Variants in JAKMIP1 observed in about 807,000 individuals in gnomAD.
The protein encoded by JAKMIP1 is janus kinase and microtubule interacting protein 1.
A neutral mutation model predicts 113.0 loss-of-function variants in JAKMIP1; 33 were observed. The observed-to-expected ratio is 0.29, with a 90% confidence interval of 0.22 to 0.39. The LOEUF (loss-of-function observed/expected upper bound fraction) is 0.39, where lower values mean the gene tolerates loss of function less well. Ranked by LOEUF, JAKMIP1 falls within the 10% of genes least tolerant of loss-of-function variation. The probability of loss-of-function intolerance (pLI) is 1.00; values close to 1 mark genes in which losing one functional copy is unlikely to be tolerated. For synonymous variants in JAKMIP1, 480 were observed against 459.9 expected, an observed-to-expected ratio of 1.04 and a Z score of -0.56; for missense variants, 813 against 1,080.5, an observed-to-expected ratio of 0.75 and a Z score of 3.47.
rs1407678042 is a variant in JAKMIP1, at chr4:6,044,190, C to T, written c.2029-1963G>A. On this transcript the variant is annotated intron_variant, in intron 16 of 20. Transcript: ENST00000409021. The surrounding 1 kb of genome is among the most constrained non-coding windows in gnomAD (Gnocchi z 4.4). ...CCGGGTCGTAGCACTCACCTGACAG[C>T]GCTGTTGTCTGTTTCACCCCTCACC... Among the ~76,000 whole-genome samples, 4 of 150,090 alleles carry T rather than the reference C, an allele frequency of 2.7e-5. No individual in the cohort carries two copies. Among genetic ancestry groups the T allele is most frequent in the African/African-American group, 7.5e-5 (3 of 39,978 alleles).
Position 6,116,814 on chromosome 4 carries a change from T to C in JAKMIP1, c.-147-3817A>G, listed in dbSNP as rs971858161. On this transcript the variant is annotated intron_variant, in intron 1 of 20. Coordinates refer to ENST00000409021, the MANE Select transcript of JAKMIP1 (RefSeq NM_001099433.2). This position sits in a 1 kb window ranked among gnomAD's most constrained non-coding sequence, Gnocchi z 5.1. ...GAATACATAAAACAATGATGGCTTG[T>C]GGTAGGTGCTGGAAAGAACAAGTCT... 2.6e-5 allele frequency among the ~76,000 whole-genome samples: 4 copies of C among 152,256 alleles called. No homozygotes were observed. Among genetic ancestry groups the C allele is most frequent in the Admixed American group, 1.3e-4 (2 of 15,292 alleles).
chr4:6,170,391 CTA>C (rs1724342147), intron 1 of JAKMIP1, among the ~76,000 whole-genome samples: 3 of 6,416 alleles, frequency 4.7e-4, no homozygotes, highest in East Asian at 7.8e-3. Flanking sequence ...ACCACCACCA[CTA>C]CCTCTATCAC....
At position 6,059,395 on chromosome 4, in the gene JAKMIP1, C is replaced by T. The variant is rs968049834; in HGVS notation, c.1644+1029G>A. On this transcript the variant is annotated intron_variant, in intron 11 of 20. Coordinates refer to ENST00000409021, the MANE Select transcript of JAKMIP1 (RefSeq NM_001099433.2). The surrounding 1 kb of genome is among the most constrained non-coding windows in gnomAD (Gnocchi z 4.8). ...TCTTCTGGAGCTGCTTCTGTTAAGC[C>T]GCCTGGAACCTCTTACACCCCTTGC... Among the ~76,000 whole-genome samples, 10 of 152,264 alleles carry T rather than the reference C, an allele frequency of 6.6e-5. 1 individual carries two copies. The highest frequency in any genetic ancestry group is 9.6e-5 in the African/African-American group (4 of 41,562).
At chr4:6,113,046 C>T in intron 1 of JAKMIP1, 49 bp from the exon 2 acceptor site, 2 of 848,912 alleles carry the variant, frequency 2.4e-6, no homozygotes, top group Non-Finnish European at 3.5e-6. Context: ...GGGTGGGGAG[C>T]TGGTGTCCCT....
intron 1 of JAKMIP1, among the ~76,000 whole-genome samples, chr4:6,133,608 G>T (rs1038169692): frequency 6.6e-6 from 1 of 152,182 alleles, no homozygotes; most frequent in African/African-American, 2.4e-5. Flanking sequence ...GGCAGGGGGC[G>T]CATGGAGGGA....
At chr4:6,056,883 C>G (rs1443126848) in intron 11 of JAKMIP1, 124 bp from the exon 12 acceptor site, 9 of 726,884 alleles carry the variant, frequency 1.2e-5, no homozygotes, top group East Asian at 2.5e-5. Context: ...AAAATGACAG[C>G]CGTGATGTGC....
At position 6,128,905 on chromosome 4, in the gene JAKMIP1, C is replaced by T. The variant is rs189353634; in HGVS notation, c.-147-15908G>A. On this transcript the variant is annotated intron_variant, in intron 1 of 20. Transcript: ENST00000409021. Reference sequence around the variant, plus strand: ...AGCAGTAACAGGAACCTGCCTGTGGCGGCCCACTGCCCAGAACCCCCACAC... The same window carrying T: ...AGCAGTAACAGGAACCTGCCTGTGGTGGCCCACTGCCCAGAACCCCCACAC... Among the ~76,000 whole-genome samples the T allele has an allele frequency of 8.3e-4, 126 of 152,342 alleles. 3 individuals carry two copies. The South Asian group carries it at 0.016, about 19-fold the overall frequency.
intron 1 of JAKMIP1, among the ~76,000 whole-genome samples, chr4:6,171,210 T>C (rs527782343): frequency 1.5e-4 from 21 of 139,326 alleles, no homozygotes; most frequent in Non-Finnish European, 1.4e-4. Flanking sequence ...ACCATCACCA[T>C]CATCACCACC....
intron 1 of JAKMIP1, among the ~76,000 whole-genome samples, chr4:6,146,902 T>C (rs1720924237): frequency 1.3e-5 from 2 of 152,206 alleles, no homozygotes; most frequent in Non-Finnish European, 2.9e-5. Flanking sequence ...CATTAAAGGA[T>C]GAGAATTTCT....
At chr4:6,098,697 A>AG (rs1560181054) in intron 3 of JAKMIP1, among the ~76,000 whole-genome samples, 13 of 8,310 alleles carry the variant, frequency 1.6e-3, no homozygotes, top group South Asian at 0.017. Flanking sequence ...AGAAAGAAAG[A>AG]AAGAAAGAAA....
rs112811571 is a variant in JAKMIP1 at position 6,141,556 on chromosome 4, C to T, written c.-147-28559G>A. ...CAAATATTGACTACAGTCCTTAGGACCCCCATAAATAATTTTATGGGCAAC... is the reference window on the plus strand; with the variant it reads ...CAAATATTGACTACAGTCCTTAGGATCCCCATAAATAATTTTATGGGCAAC... On this transcript the variant is annotated intron_variant, in intron 1 of 20. Transcript: ENST00000409021. This position sits in a 1 kb window ranked among gnomAD's most constrained non-coding sequence, Gnocchi z 9.4. Among the ~76,000 whole-genome samples the T allele has an allele frequency of 3.9e-5, 6 of 152,206 alleles. No homozygotes were observed. Among genetic ancestry groups the T allele is most frequent in the African/African-American group, 1.2e-4 (5 of 41,426 alleles).
At position 6,097,563 on chromosome 4, in the gene JAKMIP1, G is replaced by C. The variant is rs1397582436; in HGVS notation, c.624+7910C>G. 2.0e-5 allele frequency among the ~76,000 whole-genome samples: 3 copies of C among 152,162 alleles called. No homozygotes were observed. Among genetic ancestry groups the C allele is most frequent in the Non-Finnish European group, 4.4e-5 (3 of 68,030 alleles). On this transcript the variant is annotated intron_variant, in intron 3 of 20. Transcript: ENST00000409021. The surrounding 1 kb of genome is among the most constrained non-coding windows in gnomAD (Gnocchi z 4.3). Reference sequence around the variant, plus strand: ...AGGTTGGGTGTGCAATTTTCCACTTGTGACTTCATGTTGGCACTCACAGAG... The same window carrying C: ...AGGTTGGGTGTGCAATTTTCCACTTCTGACTTCATGTTGGCACTCACAGAG...
At chr4:6,128,441 G>A (rs926334837) in intron 1 of JAKMIP1, among the ~76,000 whole-genome samples, 3 of 152,144 alleles carry the variant, frequency 2.0e-5, no homozygotes, top group African/African-American at 7.2e-5. Flanking sequence ...AGCTCAGAAG[G>A]GACCAGGAGC....
rs1305538604 is a variant in JAKMIP1, at chr4:6,112,892, C to A, written c.-42G>T. 1 of 1,596,182 alleles carries A rather than the reference C, an allele frequency of 6.3e-7. No individual in the cohort carries two copies. Among genetic ancestry groups the A allele is most frequent in the South Asian group, 1.1e-5 (1 of 90,072 alleles). ...GAGTGCTGAGATCCTGCGGTCCACA[C>A]CTGTTCACGCACGCCAGCCAGCAGG... On this transcript the variant is annotated 5_prime_UTR_variant, in exon 2 of 21. Transcript: ENST00000409021.
intron 3 of JAKMIP1, among the ~76,000 whole-genome samples, chr4:6,098,715 AGAAAGAAAAAGAAAGAAAGAGAAG>A (rs1290920435): frequency 0.024 from 327 of 13,580 alleles, 1 homozygote; most frequent in Middle Eastern, 0.056. Context: ...AAAGAAAGAA[AGAAAGAAAAAGAAAGAAAGAGAAG>A]GAAGGAAGGA....
chr4:6,035,827 C>G (rs1456154968), intron 19 of JAKMIP1, 77 bp downstream of exon 19: 2 of 1,260,452 alleles, frequency 1.6e-6, no homozygotes, highest in Non-Finnish European at 2.2e-6. Flanking sequence ...CACTCAGAGG[C>G]CCATCAGGGT....
chr4:6,186,476 T>C lies in JAKMIP1; in HGVS notation c.-148+13777A>G, dbSNP rs1389191563. On this transcript the variant is annotated intron_variant, in intron 1 of 20. Coordinates refer to ENST00000409021, the MANE Select transcript of JAKMIP1 (RefSeq NM_001099433.2). This position sits in a 1 kb window ranked among gnomAD's most constrained non-coding sequence, Gnocchi z 5.5. The stretch of plus-strand genomic sequence containing the variant: ...CTGAACATCAGCTACAGGCCAGGCA[T>C]GGCTTGATGCTACTGACTTCTAACT... Among the ~76,000 whole-genome samples the C allele has an allele frequency of 6.6e-6, 1 of 152,350 alleles. No individual in the cohort carries two copies. Among genetic ancestry groups the C allele is most frequent in the South Asian group, 2.1e-4 (1 of 4,826 alleles).
intron 5 of JAKMIP1, among the ~76,000 whole-genome samples, chr4:6,082,112 T>C (rs1437086741): frequency 3.3e-5 from 5 of 152,016 alleles, no homozygotes; most frequent in Admixed American, 6.5e-5. Flanking sequence ...ACCTTCCCCA[T>C]CCGCATTTTA....
chr4:6,178,913 G>A lies in JAKMIP1; in HGVS notation c.-148+21340C>T, dbSNP rs77910038. Among the ~76,000 whole-genome samples the A allele has an allele frequency of 0.039, 5,888 of 152,184 alleles. 244 individuals carry two copies. The highest frequency in any genetic ancestry group is 0.1 in the African/African-American group (4,258 of 41,482). On this transcript the variant is annotated intron_variant, in intron 1 of 20. Transcript: ENST00000409021. The surrounding 1 kb of genome is among the most constrained non-coding windows in gnomAD (Gnocchi z 5.5). ...TGTTCACCAGCTGTCTCCCTGCCCC[G>A]GCACAGTGCCTGGCTCGGAGAGCAC...
Sources: gnomAD v4.1 joint callset for allele counts (sites outside exome capture counted in the v4.1 genomes callset) on GRCh38, gnomAD v4.1.1 for gene constraint, Gnocchi (gnomAD v3.1) non-coding constraint, MANE v1.5 for transcripts, NCBI Gene and HGNC (gene_info 2026-07-23, HGNC 2026-07-21) for gene names.